ADRA1B: variants seen among roughly 807,000 people sequenced by gnomAD.
The protein encoded by ADRA1B is alpha-1B adrenergic receptor.
ADRA1B carries 17 observed loss-of-function variants against 17.9 expected under a neutral mutation model. The ratio of observed to expected loss-of-function variants is 0.95; its 90% confidence interval spans 0.65 to 1.42. ADRA1B has a LOEUF of 1.42. Among genes scored for constraint, ADRA1B ranks in the 40% most tolerant of loss-of-function variants. The probability of loss-of-function intolerance (pLI) is 0.00; values close to 1 mark genes in which losing one functional copy is unlikely to be tolerated. For missense variants in ADRA1B, 681 were observed against 722.1 expected (o/e 0.94, Z 0.65); for synonymous variants, 366 against 327.6 (o/e 1.12, Z -1.27).
At chr5:159,870,553 G>T (rs1013464428) in intron 1 of ADRA1B, 2 of 152,210 alleles carry the variant, frequency 1.3e-5, no homozygotes, top group African/African-American at 4.8e-5. Context: ...GGAAGCTGAT[G>T]TGTGTATAAA....
chr5:159,949,111 T>C (rs1257859450), intron 1 of ADRA1B, among the ~76,000 whole-genome samples: 1 of 152,188 alleles, frequency 6.6e-6, no homozygotes, highest in African/African-American at 2.4e-5. Context: ...TCAGGGAAAC[T>C]AAATACATAA....
chr5:159,972,147 G>C lies in ADRA1B; in HGVS notation c.1218G>C (p.Ser406=). The stretch of plus-strand genomic sequence containing the variant: ...AGCGCTCGCAGTCGCGCAAGGACTC[G>C]CTGGACGACAGCGGCAGCTGCCTGA... The part of the protein sequence containing the change: ...SLERSQSRKD[S]LDDSGSCLSG... The change falls in exon 2 of 2, where the codon TCG becomes TCC. Residue 406 remains serine (S), a synonymous_variant. Coordinates refer to ENST00000306675, the MANE Select transcript of ADRA1B (RefSeq NM_000679.4). The C allele has an allele frequency of 1.5e-6, 2 of 1,360,082 alleles. No individual in the cohort carries two copies. Among genetic ancestry groups the C allele is most frequent in the Admixed American group, 2.9e-5 (1 of 35,000 alleles). The allele number at this position is 1,360,082 out of a possible 1,614,324, so 84.3% of individuals were successfully genotyped here.
At chr5:159,917,926 A>G in intron 1 of ADRA1B, 72 bp downstream of exon 1, 1 of 1,328,836 alleles carries the variant, frequency 7.5e-7, no homozygotes, top group Non-Finnish European at 1.0e-6. Context: ...CTTACTCTAA[A>G]GTTTTTTGTG....
chr5:159,925,006 G>A (rs1400648086), intron 1 of ADRA1B, among the ~76,000 whole-genome samples: 1 of 152,164 alleles, frequency 6.6e-6, no homozygotes, highest in Non-Finnish European at 1.5e-5. Context: ...CACTGGTATT[G>A]TCCTCATTTT....
At chr5:159,895,252 G>C (rs1754029713) in intron 1 of ADRA1B, among the ~76,000 whole-genome samples, 1 of 152,190 alleles carries the variant, frequency 6.6e-6, no homozygotes, top group South Asian at 2.1e-4. Flanking sequence ...GGATCACATG[G>C]ACCCATTTCG....
intron 1 of ADRA1B, chr5:159,868,052 A>G (rs1378443078): frequency 6.6e-6 from 1 of 152,206 alleles, no homozygotes. Flanking sequence ...TCTGGCACCA[A>G]CTTACCATGT....
At chr5:159,947,373 C>G (rs987734816) in intron 1 of ADRA1B, among the ~76,000 whole-genome samples, 18 of 151,930 alleles carry the variant, frequency 1.2e-4, no homozygotes, top group South Asian at 4.2e-4. Flanking sequence ...AAAACCATGG[C>G]TCAGAAAGGT....
At chr5:159,906,458 C>A (rs2113127534) in intron 1 of ADRA1B, among the ~76,000 whole-genome samples, 1 of 152,310 alleles carries the variant, frequency 6.6e-6, no homozygotes. Context: ...AAAATGTAGT[C>A]TTCTGCAATC....
intron 1 of ADRA1B, among the ~76,000 whole-genome samples, chr5:159,901,028 C>T (rs1754095051): frequency 6.6e-6 from 1 of 151,966 alleles, no homozygotes; most frequent in Admixed American, 6.6e-5. Context: ...GAAAAACCTG[C>T]CTATGGATAT....
intron 1 of ADRA1B, among the ~76,000 whole-genome samples, chr5:159,872,154 C>T (rs917366659): frequency 1.3e-5 from 2 of 152,142 alleles, no homozygotes; most frequent in African/African-American, 4.8e-5. Context: ...AATAAAATAA[C>T]CTTATTTTAA....
intron 1 of ADRA1B, among the ~76,000 whole-genome samples, chr5:159,967,017 G>A (rs113500279): frequency 0.014 from 2,103 of 152,298 alleles, 50 homozygotes; most frequent in African/African-American, 0.046. Context: ...GCAATTTGGG[G>A]AAAGGTATGT....
At chr5:159,889,783 C>T (rs1753962512) in intron 1 of ADRA1B, among the ~76,000 whole-genome samples, 1 of 152,212 alleles carries the variant, frequency 6.6e-6, no homozygotes, top group South Asian at 2.1e-4. Flanking sequence ...CTACCCAAAT[C>T]TTTTCAATAA....
chr5:159,867,199 T>C (rs778969299), intron 1 of ADRA1B, among the ~76,000 whole-genome samples: 1 of 152,214 alleles, frequency 6.6e-6, no homozygotes, highest in Non-Finnish European at 1.5e-5. Context: ...TGATGTTGCC[T>C]TGAACCCTGA....
intron 1 of ADRA1B, among the ~76,000 whole-genome samples, chr5:159,893,240 T>C (rs1754004968): frequency 6.6e-6 from 1 of 152,264 alleles, no homozygotes; most frequent in Non-Finnish European, 1.5e-5. Context: ...GCCACAAAGC[T>C]GTAGAATCCA....
intron 1 of ADRA1B, chr5:159,868,642 A>G (rs1298042781): frequency 6.6e-6 from 1 of 152,204 alleles, no homozygotes; most frequent in African/African-American, 2.4e-5. Context: ...CCTGATCCCT[A>G]TGCAGTCTAT....
At chr5:159,978,033 C>G in the ADRA1B span, among the ~76,000 whole-genome samples, 1 of 152,266 alleles carries the variant, frequency 6.6e-6, no homozygotes, top group South Asian at 2.1e-4. Flanking sequence ...GTCCAGCACT[C>G]CCTATTGCCC....
At chr5:159,869,415 G>A (rs1005304714) in intron 1 of ADRA1B, 2 of 152,198 alleles carry the variant, frequency 1.3e-5, no homozygotes, top group Non-Finnish European at 2.9e-5. Context: ...AGCAGAACAG[G>A]TGTCCACAGG....
chr5:159,965,909 C>T (rs1392390275), intron 1 of ADRA1B, among the ~76,000 whole-genome samples: 2 of 152,140 alleles, frequency 1.3e-5, no homozygotes, highest in African/African-American at 4.8e-5. Context: ...CTGCAACTTC[C>T]ACCTCCTGGG....
At chr5:159,953,491 C>T (rs1022982703) in intron 1 of ADRA1B, among the ~76,000 whole-genome samples, 10 of 152,236 alleles carry the variant, frequency 6.6e-5, no homozygotes, top group African/African-American at 2.4e-4. Context: ...CACCCCCACA[C>T]TGAGTGTTCC....
Sources: allele counts gnomAD v4.1 joint callset (sites outside exome capture counted in the v4.1 genomes callset), GRCh38; gene constraint gnomAD v4.1.1; transcripts MANE v1.5; gene names NCBI Gene and HGNC (gene_info 2026-07-23, HGNC 2026-07-21).